ARID2: variants seen among roughly 807,000 people sequenced by gnomAD.
ARID2 encodes the protein AT-rich interaction domain 2, also known as AT-rich interactive domain-containing protein 2.
A neutral mutation model predicts 184.6 loss-of-function variants in ARID2; 32 were observed. The observed-to-expected ratio is 0.17, with a 90% CI of 0.13 to 0.23. The LOEUF (loss-of-function observed/expected upper bound fraction) is 0.23. ARID2 is among the 10% of genes least tolerant of loss of function. The pLI is 1.00. For synonymous variants in ARID2, 836 were observed against 772.6 expected (o/e 1.08, Z -1.36); for missense variants, 1,696 against 2,197.6 (o/e 0.77, Z 4.56).
intron 3 of ARID2, among the ~76,000 whole-genome samples, chr12:45,756,704 T>C (rs1243536889): frequency 1.3e-5 from 2 of 152,232 alleles, no homozygotes; most frequent in African/African-American, 4.8e-5. Flanking sequence ...CAGTGGCTCA[T>C]GCCTGTAATG....
rs192654343 is a variant in ARID2, at chr12:45,844,138, A to G, written c.1499-2718A>G. Among the ~76,000 whole-genome samples, 136 of 142,998 alleles carry G rather than the reference A, an allele frequency of 9.5e-4. 1 individual carries two copies. The highest frequency in any genetic ancestry group is 3.4e-3 in the African/African-American group (130 of 38,588). 93.8% of individuals were successfully genotyped at this position (142,998 alleles called of 152,430 possible). On this transcript the variant is annotated intron_variant, in intron 11 of 20. Transcript: ENST00000334344. ...CTGTAGTGTTGAGCTCGGGAGCTCA[A>G]TCGATCCCCCTACCTCAGGCTCCTG...
chr12:45,825,691 C>A (rs757513937), intron 6 of ARID2, among the ~76,000 whole-genome samples: 2 of 151,910 alleles, frequency 1.3e-5, no homozygotes, highest in Non-Finnish European at 2.9e-5. Flanking sequence ...AATGAGACCT[C>A]GTCTCTACAA....
chr12:45,781,534 A>G (rs1014112020), intron 3 of ARID2, among the ~76,000 whole-genome samples: 1 of 150,862 alleles, frequency 6.6e-6, no homozygotes, highest in Admixed American at 6.6e-5. Flanking sequence ...TACAAGAGTA[A>G]TGGATATATT....
chr12:45,772,076 T>G (rs1408638743), intron 3 of ARID2, among the ~76,000 whole-genome samples: 3 of 152,092 alleles, frequency 2.0e-5, no homozygotes, highest in African/African-American at 2.4e-5. Flanking sequence ...AAGCTGGATC[T>G]GATAAGATGT....
intron 3 of ARID2, among the ~76,000 whole-genome samples, chr12:45,798,209 T>A (rs960939047): frequency 1.3e-5 from 1 of 76,448 alleles, no homozygotes; most frequent in African/African-American, 3.9e-5. Flanking sequence ...TTTGAACGTG[T>A]TTTTTTTTTC....
intron 5 of ARID2, among the ~76,000 whole-genome samples, chr12:45,821,081 A>G (rs1045954293): frequency 2.9e-4 from 44 of 152,284 alleles, no homozygotes; most frequent in Admixed American, 2.6e-3. Flanking sequence ...GAAATTTAAT[A>G]GCAATAACCT....
chr12:45,816,394 A>G (rs1280730484), intron 4 of ARID2, among the ~76,000 whole-genome samples: 1 of 152,148 alleles, frequency 6.6e-6, no homozygotes, highest in African/African-American at 2.4e-5. Flanking sequence ...GAAACAAAGG[A>G]CTCATTTAGA....
intron 3 of ARID2, among the ~76,000 whole-genome samples, chr12:45,772,629 CAAA>C (rs955424793): frequency 5.3e-5 from 8 of 151,378 alleles, no homozygotes; most frequent in African/African-American, 9.7e-5. Flanking sequence ...GATTTTAAAA[CAAA>C]AAAAAGTTAC....
rs1390936994 is a variant in ARID2 at position 45,851,662 on chromosome 12, C to T, written c.3539C>T (p.Thr1180Met). The T allele has an allele frequency of 1.9e-6, 3 of 1,614,156 alleles. No homozygotes were observed. The highest frequency in any genetic ancestry group is 2.2e-5 in the East Asian group (1 of 44,892). ...GTAACCATAACAGTTGTGCCAAATA[C>T]GAGTTTTGCACCTGCAACTGTGAGT... ...NQVTITVVPNTSFAPATVSQG... is the reference protein window; with the variant it reads ...NQVTITVVPNMSFAPATVSQG... The change falls in exon 15 of 21, where the codon ACG becomes ATG. Residue 1180 changes from threonine (T) to methionine (M), a missense_variant. Physicochemically the swap from Thr to Met is moderately conservative, Grantham distance 81. Around this residue, in one of 11 missense-constraint regions of ARID2, gnomAD observed 12 missense variants for 28.6 expected, o/e 0.42. Transcript: ENST00000334344.
At chr12:45,886,700 G>T (rs987577501) in intron 16 of ARID2, among the ~76,000 whole-genome samples, 4 of 152,264 alleles carry the variant, frequency 2.6e-5, no homozygotes, top group Admixed American at 6.5e-5. Flanking sequence ...CTCAATTTTT[G>T]ATTTTTATGT....
chr12:45,846,109 T>C (rs1295125630), intron 11 of ARID2: 13 of 152,164 alleles, frequency 8.5e-5, no homozygotes, highest in Admixed American at 8.5e-4. Context: ...TTGAAACTTT[T>C]AGAATATGTC....
chr12:45,842,890 A>G (rs1565618456), intron 11 of ARID2, among the ~76,000 whole-genome samples: 1 of 152,212 alleles, frequency 6.6e-6, no homozygotes, highest in African/African-American at 2.4e-5. Flanking sequence ...TACTGCTAGA[A>G]TGAAACTGGA....
In ARID2 at chr12:45,870,023, T is replaced by TC. The variant is rs760734251; in HGVS notation, c.4922+9075dup. On this transcript the variant is annotated intron_variant, in intron 16 of 20. Coordinates refer to ENST00000334344, the MANE Select transcript of ARID2 (RefSeq NM_152641.4). ...GTTGTTGAGACAGACTCTTGCTCTG[T>TC]CATCCAGGCTGTAGTGCAGTGGCGC... Among the ~76,000 whole-genome samples the TC allele has an allele frequency of 1.1e-4, 16 of 152,220 alleles. 1 individual carries two copies. The East Asian group carries it at 1.7e-3, about 17-fold the overall frequency.
rs1260631379 is a variant in ARID2 at position 45,761,737 on chromosome 12, A to C, written c.284+30423A>C. On this transcript the variant is annotated intron_variant, in intron 3 of 20. Coordinates refer to ENST00000334344, the MANE Select transcript of ARID2 (RefSeq NM_152641.4). ...CCTTATCTTTTCTCCTTAGCACTTTAAGCCATTTCAATCTGAGATTTCATA... is the reference window on the plus strand; with the variant it reads ...CCTTATCTTTTCTCCTTAGCACTTTCAGCCATTTCAATCTGAGATTTCATA... Among the ~76,000 whole-genome samples the C allele has an allele frequency of 2.6e-5, 4 of 151,928 alleles. No individual in the cohort carries two copies. The South Asian group carries it at 6.2e-4, about 24-fold the overall frequency.
chr12:45,850,192 C>T lies in ARID2; in HGVS notation c.2069C>T (p.Pro690Leu), dbSNP rs996949909. Residue 690 changes from proline (P) to leucine (L), a missense_variant, in exon 15 of 21, where the codon CCT becomes CTT. Pro to Leu is a moderately conservative substitution (Grantham distance 98). Transcript: ENST00000334344. ...TCAAGAATTCCACAAAATCCTTCAC[C>T]TCATACCCACCAGCAACAAAATGCT... The part of the protein sequence containing the change: ...TVSRIPQNPS[P>L]HTHQQQNAPV... 3.1e-6 allele frequency: 5 copies of T among 1,613,996 alleles called. No individual in the cohort carries two copies. In the African/African-American group the frequency reaches 5.3e-5, roughly 17 times the overall value.
intron 3 of ARID2, among the ~76,000 whole-genome samples, chr12:45,736,570 T>A (rs1342412949): frequency 6.6e-6 from 1 of 152,166 alleles, no homozygotes; most frequent in Non-Finnish European, 1.5e-5. Flanking sequence ...TAAAGTTTAA[T>A]GATAAAAATG....
intron 3 of ARID2, chr12:45,789,732 C>A (rs140002956): frequency 6.6e-6 from 1 of 152,142 alleles, no homozygotes; most frequent in Non-Finnish European, 1.5e-5. Flanking sequence ...CTAGTACTTA[C>A]AAGTTTTTCG....
intron 16 of ARID2, among the ~76,000 whole-genome samples, chr12:45,873,853 G>C (rs1413318049): frequency 6.6e-6 from 1 of 152,156 alleles, no homozygotes; most frequent in Non-Finnish European, 1.5e-5. Flanking sequence ...CCTCGATATT[G>C]ATGGCTGCTG....
At chr12:45,893,086 A>G (rs1249327304) in intron 18 of ARID2, among the ~76,000 whole-genome samples, 1 of 152,212 alleles carries the variant, frequency 6.6e-6, no homozygotes, top group Non-Finnish European at 1.5e-5. Flanking sequence ...CATTATATTC[A>G]AAGATGAGAA....
Sources: allele counts gnomAD v4.1 joint callset (sites outside exome capture counted in the v4.1 genomes callset), GRCh38; gene constraint gnomAD v4.1.1; regional missense constraint gnomAD v4.1.1; transcripts MANE v1.5; gene names NCBI Gene and HGNC (gene_info 2026-07-23, HGNC 2026-07-21).